Variants in HP1BP3 observed in about 807,000 individuals in gnomAD.
HP1BP3 encodes heterochromatin protein 1 binding protein 3, also known as heterochromatin protein 1-binding protein 3.
HP1BP3 carries 12 observed loss-of-function variants against 62.5 expected under a neutral mutation model. That is an observed-to-expected ratio of 0.19 (90% CI 0.12 to 0.31). The LOEUF (loss-of-function observed/expected upper bound fraction) is 0.31. Among genes scored for constraint, HP1BP3 ranks in the 10% least tolerant of loss-of-function variants. The pLI, the probability that HP1BP3 is intolerant of heterozygous loss-of-function variation, is 1.00. For synonymous variants in HP1BP3, 260 were observed against 237.8 expected (o/e 1.09, Z -0.86); for missense variants, 502 against 651.8 (o/e 0.77, Z 2.50).
chr1:20,749,359 TTCTTTTC>T (rs2055560523), intron 10 of HP1BP3, among the ~76,000 whole-genome samples: 2 of 148,096 alleles, frequency 1.4e-5, no homozygotes, highest in African/African-American at 5.1e-5. Flanking sequence ...TTCTTTTCTT[TTCTTTTC>T]TTTTTTTTTG....
At chr1:20,749,646 A>G in intron 10 of HP1BP3, 77 bp downstream of exon 10, 2 of 1,394,912 alleles carry the variant, frequency 1.4e-6, no homozygotes, top group Non-Finnish European at 9.8e-7. Flanking sequence ...GGCGTGAGCC[A>G]CAGTGCCTGG....
At chr1:20,752,885 G>A (rs1557642243) in intron 9 of HP1BP3, among the ~76,000 whole-genome samples, 2 of 152,030 alleles carry the variant, frequency 1.3e-5, no homozygotes, top group South Asian at 2.1e-4. Flanking sequence ...TGGTATCCAG[G>A]AAAAGCACTT....
Position 20,776,023 on chromosome 1 carries a change from AAAAAATT to A in HP1BP3, c.350+567_350+573del, listed in dbSNP as rs779215696. 2.0e-6 allele frequency: 3 copies of A among 1,496,944 alleles called. No individual in the cohort carries two copies. In the South Asian group the frequency reaches 4.0e-5, roughly 20 times the overall value. The allele number at this position is 1,496,944 out of a possible 1,614,324, so 92.7% of individuals were successfully genotyped here. A position where few individuals can be genotyped will look rare whatever the true frequency, so the allele number is the denominator to read the frequency against. On this transcript the variant is annotated intron_variant, in intron 4 of 12. Transcript: ENST00000438032. ...CAGCTCTCCTGCAAAAAAAAAAAAA[AAAAAATT>A]AAAAATTAAAAAGTAACTGCCATCA...
intron 1 of HP1BP3, among the ~76,000 whole-genome samples, chr1:20,786,951 C>T (rs989786837): frequency 6.6e-6 from 1 of 151,968 alleles, no homozygotes; most frequent in Non-Finnish European, 1.5e-5. Flanking sequence ...GCGCGCGCGC[C>T]GGAGGGCCCC....
intron 1 of HP1BP3, among the ~76,000 whole-genome samples, chr1:20,786,842 G>A (rs1469941841): frequency 1.3e-5 from 2 of 152,056 alleles, no homozygotes; most frequent in Non-Finnish European, 2.9e-5. Context: ...CAATCGGGGC[G>A]GGCAGAGGAC....
At chr1:20,784,359 C>G (rs1203465730) in intron 1 of HP1BP3, among the ~76,000 whole-genome samples, 1 of 152,130 alleles carries the variant, frequency 6.6e-6, no homozygotes, top group Non-Finnish European at 1.5e-5. Context: ...GGGATCTTAT[C>G]TACCTGGTTC....
At chr1:20,779,268 G>A (rs956603420) in intron 3 of HP1BP3, among the ~76,000 whole-genome samples, 2 of 152,150 alleles carry the variant, frequency 1.3e-5, no homozygotes, top group African/African-American at 2.4e-5. Context: ...ACGGGAAAAG[G>A]AGAAGAGGTG....
chr1:20,760,965 A>C (rs537383310), intron 8 of HP1BP3, among the ~76,000 whole-genome samples: 2 of 152,238 alleles, frequency 1.3e-5, no homozygotes, highest in Non-Finnish European at 2.9e-5. Context: ...TATTGCTCTA[A>C]TACAGGTGAG....
At chr1:20,777,096 G>A (rs947522949) in intron 3 of HP1BP3, among the ~76,000 whole-genome samples, 8 of 152,068 alleles carry the variant, frequency 5.3e-5, no homozygotes, top group African/African-American at 1.9e-4. Flanking sequence ...AAATCTCAGA[G>A]AATAAGTAAT....
At chr1:20,783,032 T>G (rs2057644705) in intron 1 of HP1BP3, among the ~76,000 whole-genome samples, 1 of 150,964 alleles carries the variant, frequency 6.6e-6, no homozygotes, top group Admixed American at 6.6e-5. Flanking sequence ...GGACTGCCAG[T>G]GTCCAGGAGT....
At chr1:20,765,576 T>A (rs767740328) in intron 7 of HP1BP3, 45 bp from the exon 8 acceptor site, 3 of 1,479,252 alleles carry the variant, frequency 2.0e-6, no homozygotes, top group Non-Finnish European at 2.8e-6. Context: ...AGAACGTAAA[T>A]GTTTCTACAT....
At chr1:20,770,647 A>T (rs1324942100) in intron 6 of HP1BP3, among the ~76,000 whole-genome samples, 1 of 151,978 alleles carries the variant, frequency 6.6e-6, no homozygotes, top group Non-Finnish European at 1.5e-5. Context: ...AGGATTCCTT[A>T]CCTCTTTTTC....
chr1:20,749,973 T>A, intron 9 of HP1BP3, 91 bp from the exon 10 acceptor site: 1 of 1,526,756 alleles, frequency 6.5e-7, no homozygotes, highest in South Asian at 1.3e-5. Context: ...TGGGTCGGAG[T>A]TCCTGCATTA....
At chr1:20,752,299 T>TC (rs1255841685) in intron 9 of HP1BP3, among the ~76,000 whole-genome samples, 1 of 151,530 alleles carries the variant, frequency 6.6e-6, no homozygotes, top group Non-Finnish European at 1.5e-5. Context: ...TTTTTCACTG[T>TC]CTTTTTTTTT....
intron 1 of HP1BP3, among the ~76,000 whole-genome samples, chr1:20,783,024 A>G (rs1458923966): frequency 8.1e-6 from 1 of 123,376 alleles, no homozygotes; most frequent in Admixed American, 7.9e-5. Flanking sequence ...AGATGGGAGG[A>G]CTGCCAGTGT....
intron 9 of HP1BP3, among the ~76,000 whole-genome samples, chr1:20,751,056 A>T (rs1312405497): frequency 6.6e-6 from 1 of 151,922 alleles, no homozygotes; most frequent in African/African-American, 2.4e-5. Context: ...ACCTCAGGAG[A>T]TCTGCCTGCC....
intron 5 of HP1BP3, among the ~76,000 whole-genome samples, chr1:20,772,812 ATTAGAAGATAACC>A (rs1259894381): frequency 3.3e-5 from 5 of 152,252 alleles, no homozygotes; most frequent in African/African-American, 1.2e-4. Flanking sequence ...GCAATGTCAA[ATTAGAAGATAACC>A]TTTAAAAATT....
Position 20,743,964 on chromosome 1 carries a change from G to A in HP1BP3, c.*833C>T, listed in dbSNP as rs981139154. 1 of 152,208 alleles carries A rather than the reference G, an allele frequency of 6.6e-6. No individual in the cohort carries two copies. Among genetic ancestry groups the A allele is most frequent in the African/African-American group, 2.4e-5 (1 of 41,402 alleles). 9.4% of individuals were successfully genotyped at this position (152,208 alleles called of 1,614,324 possible). A position where few individuals can be genotyped will look rare whatever the true frequency, so the allele number is the denominator to read the frequency against. ...CACACCTGTAATCCCAGCTACTCGG[G>A]AGGCTGAAGCAGGAGAATTGCTTGA... is the stretch of plus-strand genomic sequence containing the variant. On this transcript the variant is annotated 3_prime_UTR_variant, in exon 13 of 13. Transcript: ENST00000438032.
intron 8 of HP1BP3, among the ~76,000 whole-genome samples, chr1:20,761,513 T>G (rs1031396880): frequency 2.2e-5 from 3 of 138,024 alleles, no homozygotes; most frequent in African/African-American, 8.2e-5. Context: ...CAGGGATTTT[T>G]GGGGGGAGAG....
Sources: gnomAD v4.1 joint callset for allele counts (sites outside exome capture counted in the v4.1 genomes callset) on GRCh38, gnomAD v4.1.1 for gene constraint, MANE v1.5 for transcripts, NCBI Gene and HGNC (gene_info 2026-07-23, HGNC 2026-07-21) for gene names.